The following BLTP1 variants were observed in gnomAD, a reference collection of about 807,000 sequenced individuals.
The protein encoded by BLTP1 is fragile site-associated protein.
the BLTP1 span, chr4:122,276,132 AG>A: frequency 1.0e-6 from 1 of 962,450 alleles, no homozygotes; most frequent in Non-Finnish European, 1.4e-6. Context: ...ATTGTTTTGT[AG>A]CTGTAATATA....
At chr4:122,227,407 A>G in the BLTP1 span, 1 of 984,144 alleles carries the variant, frequency 1.0e-6, no homozygotes, top group South Asian at 4.7e-5. Context: ...CCATAGTATT[A>G]TTGTGCAATA....
chr4:122,238,997 ATG>A, the BLTP1 span, among the ~76,000 whole-genome samples: 1 of 152,066 alleles, frequency 6.6e-6, no homozygotes, highest in African/African-American at 2.4e-5. Flanking sequence ...TACCTTCTTG[ATG>A]TATCTGCTTG....
At chr4:122,302,348 G>A in the BLTP1 span, 1 of 605,764 alleles carries the variant, frequency 1.7e-6, no homozygotes, top group South Asian at 7.4e-5. Flanking sequence ...AGGTATTGAG[G>A]TTTTTTTATG....
chr4:122,246,210 C>G, the BLTP1 span: 1 of 1,607,456 alleles, frequency 6.2e-7, no homozygotes, highest in Non-Finnish European at 8.5e-7. Context: ...ATAGGAACGA[C>G]TAACCAAGGA....
the BLTP1 span, chr4:122,349,185 G>A: frequency 1.9e-6 from 3 of 1,611,624 alleles, no homozygotes; most frequent in African/African-American, 4.0e-5. The surrounding 1 kb of genome is among the most constrained non-coding windows in gnomAD (Gnocchi z 4.5). Context: ...TGAAGAGCCA[G>A]GGCCGTCTGT....
chr4:122,357,065 G>T, the BLTP1 span: 2 of 977,404 alleles, frequency 2.0e-6, no homozygotes, highest in African/African-American at 3.5e-5. Flanking sequence ...AAAGTGAAAT[G>T]ACTAAAGAAA....
the BLTP1 span, among the ~76,000 whole-genome samples, chr4:122,296,683 T>C: frequency 6.6e-6 from 1 of 152,114 alleles, no homozygotes; most frequent in Admixed American, 6.6e-5. Context: ...AAGGCTACAG[T>C]AACTAACACA....
the BLTP1 span, chr4:122,355,998 G>C: frequency 1.3e-6 from 2 of 1,567,478 alleles, no homozygotes; most frequent in African/African-American, 1.4e-5. Flanking sequence ...AGGGTATGTA[G>C]AAAAACAATT....
At chr4:122,265,654 C>G in the BLTP1 span, among the ~76,000 whole-genome samples, 1 of 152,062 alleles carries the variant, frequency 6.6e-6, no homozygotes, top group African/African-American at 2.4e-5. Flanking sequence ...AGGCTTGGCT[C>G]TCATTGTGTA....
chr4:122,343,417 G>A, the BLTP1 span: 23 of 1,613,378 alleles, frequency 1.4e-5, no homozygotes, highest in African/African-American at 2.7e-5. Context: ...TAGGTTCATC[G>A]GGATTAGGCA....
At chr4:122,254,775 T>C in the BLTP1 span, 3 of 1,469,718 alleles carry the variant, frequency 2.0e-6, no homozygotes, top group Non-Finnish European at 2.7e-6. Context: ...TTGACACTTG[T>C]TTTTATAATT....
the BLTP1 span, chr4:122,184,885 T>A: frequency 4.1e-6 from 4 of 984,742 alleles, no homozygotes; most frequent in Non-Finnish European, 4.8e-6. Flanking sequence ...GAATACTTTT[T>A]CCAGACATGA....
chr4:122,272,463 C>T, the BLTP1 span: 1 of 1,376,124 alleles, frequency 7.3e-7, no homozygotes, highest in Non-Finnish European at 9.9e-7. Context: ...TGCTACTTCT[C>T]TGAAGAAAAC....
At chr4:122,189,086 T>G in the BLTP1 span, 1 of 982,536 alleles carries the variant, frequency 1.0e-6, no homozygotes, top group Non-Finnish European at 1.2e-6. Context: ...AAATCAGGAT[T>G]TTTTTGAAAA....
chr4:122,330,698 A>G, the BLTP1 span, among the ~76,000 whole-genome samples: 17 of 151,818 alleles, frequency 1.1e-4, no homozygotes, highest in Non-Finnish European at 1.8e-4. Flanking sequence ...ATTGCTTTGC[A>G]GAAGCTTTTT....
chr4:122,355,848 T>G, the BLTP1 span: 1 of 1,612,688 alleles, frequency 6.2e-7, no homozygotes, highest in Non-Finnish European at 8.5e-7. Context: ...ATAGCACTAC[T>G]GTGAAGAATT....
chr4:122,305,370 A>T, the BLTP1 span: 5 of 941,386 alleles, frequency 5.3e-6, no homozygotes, highest in East Asian at 3.5e-4. Context: ...AAATAAAGTT[A>T]AAAAACAGCA....
the BLTP1 span, chr4:122,172,233 T>C: frequency 1.6e-6 from 1 of 606,578 alleles, no homozygotes; most frequent in Non-Finnish European, 2.1e-6. Flanking sequence ...GTTAAGGACT[T>C]AATATGATGT....
chr4:122,173,931 A>G, the BLTP1 span, among the ~76,000 whole-genome samples: 166 of 152,306 alleles, frequency 1.1e-3, no homozygotes, highest in African/African-American at 3.8e-3. Context: ...GGTTATTTTT[A>G]AAGTAACCCA....
Sources: gnomAD v4.1 joint callset for allele counts (sites outside exome capture counted in the v4.1 genomes callset) on GRCh38, gnomAD v4.1.1 for gene constraint, Gnocchi (gnomAD v3.1) non-coding constraint, MANE v1.5 for transcripts, NCBI Gene and HGNC (gene_info 2026-07-23, HGNC 2026-07-21) for gene names.